RABGAP1L: variants seen among roughly 807,000 people sequenced by gnomAD.
RABGAP1L encodes the protein rab GTPase-activating protein 1-like.
Under a neutral mutation model 137.7 loss-of-function variants are expected in RABGAP1L, and 63 were observed. The observed-to-expected ratio is 0.46, with a 90% CI of 0.37 to 0.56. The LOEUF (loss-of-function observed/expected upper bound fraction) is 0.56. RABGAP1L is among the 20% of genes least tolerant of loss of function. The pLI is 0.00. For synonymous variants in RABGAP1L, 431 were observed against 433.7 expected, an observed-to-expected ratio of 0.99 and a Z score of 0.08; for missense variants, 1,095 against 1,244.0, an observed-to-expected ratio of 0.88 and a Z score of 1.80.
chr1:174,284,801 T>A (rs1447546023), intron 10 of RABGAP1L, among the ~76,000 whole-genome samples: 4 of 147,984 alleles, frequency 2.7e-5, no homozygotes, highest in East Asian at 2.0e-4. Context: ...GGTCTCCAGC[T>A]TTTTTTTCCC....
chr1:174,481,957 G>A (rs926048670), intron 13 of RABGAP1L, among the ~76,000 whole-genome samples: 13 of 151,476 alleles, frequency 8.6e-5, no homozygotes, highest in African/African-American at 2.7e-4. Flanking sequence ...GTCAAATTAA[G>A]TTGGAATTAA....
At position 174,210,008 on chromosome 1, in the gene RABGAP1L, C is replaced by T. The variant is rs146766023; in HGVS notation, c.-33-9117C>T. Reference sequence around the variant, plus strand: ...CTTACGCAAGACCGTCAAGGTGATACCTTTGTGAGTCTGCAAGATCCACAG... The same window carrying T: ...CTTACGCAAGACCGTCAAGGTGATATCTTTGTGAGTCTGCAAGATCCACAG... On this transcript the variant is annotated intron_variant, in intron 1 of 25. Transcript: ENST00000681986. 8.3e-3 allele frequency among the ~76,000 whole-genome samples: 1,261 copies of T among 152,272 alleles called. 18 individuals carry two copies. Among genetic ancestry groups the T allele is most frequent in the African/African-American group, 0.029 (1,210 of 41,554 alleles).
At chr1:174,702,010 C>T in intron 16 of RABGAP1L, 103 bp from the exon 17 acceptor site, 3 of 1,056,754 alleles carry the variant, frequency 2.8e-6, no homozygotes, top group Non-Finnish European at 4.2e-6. Flanking sequence ...AATAGAGTTA[C>T]AGCGATCATA....
chr1:174,608,667 G>GA (rs1670963083), intron 13 of RABGAP1L, among the ~76,000 whole-genome samples: 2 of 152,246 alleles, frequency 1.3e-5, no homozygotes, highest in South Asian at 4.1e-4. Flanking sequence ...GATTCAGATG[G>GA]AATGGAATAA....
At chr1:174,846,370 A>G (rs1694050601) in intron 19 of RABGAP1L, among the ~76,000 whole-genome samples, 2 of 151,570 alleles carry the variant, frequency 1.3e-5, no homozygotes, top group Admixed American at 6.6e-5. Context: ...ATTTAGTGCT[A>G]TAAATTTCCC....
chr1:174,895,344 A>G (rs1315041857), intron 19 of RABGAP1L, among the ~76,000 whole-genome samples: 3 of 152,202 alleles, frequency 2.0e-5, no homozygotes, highest in Non-Finnish European at 4.4e-5. Flanking sequence ...AGAAGGGGCA[A>G]ACAAATAAAA....
At chr1:174,406,939 A>T (rs77790667) in intron 13 of RABGAP1L, among the ~76,000 whole-genome samples, 1 of 152,200 alleles carries the variant, frequency 6.6e-6, no homozygotes, top group South Asian at 2.1e-4. Context: ...GCCTGGGATT[A>T]CACTCCTGTA....
chr1:174,680,681 AG>A (rs1319302049), intron 14 of RABGAP1L, among the ~76,000 whole-genome samples: 1 of 152,098 alleles, frequency 6.6e-6, no homozygotes, highest in Non-Finnish European at 1.5e-5. Context: ...GGATCACTTG[AG>A]CCTAGGAGCT....
intron 19 of RABGAP1L, among the ~76,000 whole-genome samples, chr1:174,848,605 G>GCC (rs1647512301): frequency 2.0e-4 from 29 of 145,792 alleles, no homozygotes; most frequent in Admixed American, 4.1e-4. Context: ...CCAGCTGCTT[G>GCC]CTGGGAGAAC....
At position 174,171,447 on chromosome 1, in the gene RABGAP1L, A is replaced by G. The variant is rs537509815; in HGVS notation, c.-34+11790A>G. 4.2e-4 allele frequency among the ~76,000 whole-genome samples: 64 copies of G among 152,328 alleles called. 1 individual carries two copies. The South Asian group carries it at 7.0e-3, about 17-fold the overall frequency. On this transcript the variant is annotated intron_variant, in intron 1 of 25. Transcript: ENST00000681986. ...CATGAAATGATTACTACAGTTAAGC[A>G]AATTAACCTATCCATCTCCTTCTAT...
At chr1:174,808,417 G>A (rs1468010200) in intron 18 of RABGAP1L, among the ~76,000 whole-genome samples, 3 of 152,118 alleles carry the variant, frequency 2.0e-5, no homozygotes, top group East Asian at 1.9e-4. Flanking sequence ...TTGCACCATC[G>A]TACTCCAGCC....
Position 174,757,486 on chromosome 1 carries a change from C to T in RABGAP1L, c.2211+5132C>T, listed in dbSNP as rs1684856692. On this transcript the variant is annotated intron_variant, in intron 18 of 25. Coordinates refer to ENST00000681986, the MANE Select transcript of RABGAP1L (RefSeq NM_001366446.1). Reference sequence around the variant, plus strand: ...TTCAAAAATTTCTAAACATTAAGCACCTTTATGGAAATCAAAAGCAAGTTA... The same window carrying T: ...TTCAAAAATTTCTAAACATTAAGCATCTTTATGGAAATCAAAAGCAAGTTA... Among the ~76,000 whole-genome samples the T allele has an allele frequency of 1.3e-5, 2 of 149,426 alleles. 1 individual carries two copies.
At chr1:174,383,679 A>G (rs55719510) in intron 12 of RABGAP1L, among the ~76,000 whole-genome samples, 31,260 of 151,272 alleles carry the variant, frequency 0.21, 3,397 homozygotes, top group Admixed American at 0.24. Context: ...ACTGGCCTGC[A>G]CCCACTGTCT....
chr1:174,284,734 C>CTTTTTTT (rs59344382), intron 10 of RABGAP1L, among the ~76,000 whole-genome samples: 68 of 42,618 alleles, frequency 1.6e-3, no homozygotes, highest in Non-Finnish European at 2.2e-3. Flanking sequence ...TATTTCTTGT[C>CTTTTTTT]TTTTTTTTTT....
chr1:174,604,239 T>TC (rs920684643), intron 13 of RABGAP1L, among the ~76,000 whole-genome samples: 2 of 152,140 alleles, frequency 1.3e-5, no homozygotes, highest in African/African-American at 4.8e-5. Context: ...GAAGGATGAT[T>TC]CCCCTCTGGC....
intron 11 of RABGAP1L, among the ~76,000 whole-genome samples, chr1:174,313,315 T>G (rs1679042099): frequency 6.6e-6 from 1 of 152,258 alleles, no homozygotes; most frequent in South Asian, 2.1e-4. Flanking sequence ...TGTAATTTGG[T>G]ATCCTGTAAC....
intron 1 of RABGAP1L, among the ~76,000 whole-genome samples, chr1:174,186,911 A>AT (rs1666847393): frequency 6.6e-6 from 1 of 152,196 alleles, no homozygotes; most frequent in African/African-American, 2.4e-5. Context: ...TTCATTGTAG[A>AT]TTTTTCAATG....
intron 19 of RABGAP1L, chr1:174,954,045 C>G (rs999190894): frequency 6.6e-6 from 1 of 152,192 alleles, no homozygotes; most frequent in Non-Finnish European, 1.5e-5. Context: ...AAATTTCTTT[C>G]TCCAGAAAGA....
intron 19 of RABGAP1L, among the ~76,000 whole-genome samples, chr1:174,905,727 T>C (rs1421386802): frequency 1.3e-5 from 2 of 152,072 alleles, no homozygotes; most frequent in African/African-American, 2.4e-5. Context: ...GCCGGGTGCC[T>C]GAAATCCCAG....
Sources: allele counts gnomAD v4.1 joint callset (sites outside exome capture counted in the v4.1 genomes callset), GRCh38; gene constraint gnomAD v4.1.1; transcripts MANE v1.5; gene names NCBI Gene and HGNC (gene_info 2026-07-23, HGNC 2026-07-21).